DEFB110: variants seen among roughly 807,000 people sequenced by gnomAD.
DEFB110 encodes the protein beta-defensin 110.
In DEFB110, 4 loss-of-function variants were observed where a neutral mutation model predicts 2.5. The ratio of observed to expected loss-of-function variants is 1.60; its 90% confidence interval spans 0.79 to 3.66. The LOEUF (loss-of-function observed/expected upper bound fraction) is 3.66. Among genes scored for constraint, DEFB110 ranks in the 30% most tolerant of loss-of-function variants. The probability of loss-of-function intolerance (pLI) is 0.01; values close to 1 mark genes in which losing one functional copy is unlikely to be tolerated. For missense variants in DEFB110, 94 were observed against 75.4 expected (o/e 1.25, Z -0.91); for synonymous variants, 29 against 21.8 (o/e 1.33, Z -0.92).
intron 1 of DEFB110, among the ~76,000 whole-genome samples, chr6:50,019,574 A>G (rs1357281901): frequency 6.6e-6 from 1 of 152,036 alleles, no homozygotes; most frequent in Non-Finnish European, 1.5e-5. Flanking sequence ...GAGCTAGGCA[A>G]CGCTAGTGAA....
At chr6:50,013,019 A>G (rs1246748336) in intron 1 of DEFB110, among the ~76,000 whole-genome samples, 1 of 151,878 alleles carries the variant, frequency 6.6e-6, no homozygotes, top group Non-Finnish European at 1.5e-5. Flanking sequence ...AACTGCTACT[A>G]CCACTGCCAC....
chr6:50,017,836 A>G (rs1354941843), downstream of DEFB110, among the ~76,000 whole-genome samples: 1 of 151,890 alleles, frequency 6.6e-6, no homozygotes, highest in African/African-American at 2.4e-5. Context: ...TCAAGAGAGT[A>G]GGAAGCCCCT....
downstream of DEFB110, among the ~76,000 whole-genome samples, chr6:50,015,888 T>A (rs1561991354): frequency 6.6e-6 from 1 of 151,840 alleles, no homozygotes; most frequent in Admixed American, 6.6e-5. Context: ...AAATTGACAT[T>A]GATCTTTTTG....
At chr6:50,013,967 G>T (rs939427688), downstream of DEFB110, among the ~76,000 whole-genome samples, 6 of 151,804 alleles carry the variant, frequency 4.0e-5, no homozygotes, top group African/African-American at 1.4e-4. Context: ...TCGGTAAGTA[G>T]TAATAAATAC....
chr6:50,010,901 T>C (rs993534683), intron 1 of DEFB110, among the ~76,000 whole-genome samples: 2 of 151,656 alleles, frequency 1.3e-5, no homozygotes, highest in Admixed American at 6.6e-5. Context: ...GAAAAAAGTA[T>C]ACACATAGAA....
intron 1 of DEFB110, among the ~76,000 whole-genome samples, chr6:50,019,814 A>C (rs1238164788): frequency 6.6e-6 from 1 of 152,056 alleles, no homozygotes; most frequent in East Asian, 1.9e-4. Context: ...TGTGTGTACT[A>C]TTAAACCTTT....
downstream of DEFB110, chr6:50,018,714 T>C (rs935074717): frequency 3.6e-6 from 3 of 836,962 alleles, no homozygotes; most frequent in Non-Finnish European, 4.6e-6. Context: ...TTGTGGAACT[T>C]GTGGAACATG....
downstream of DEFB110, among the ~76,000 whole-genome samples, chr6:50,018,618 G>A (rs538177798): frequency 2.6e-5 from 4 of 152,054 alleles, no homozygotes; most frequent in South Asian, 8.3e-4. Flanking sequence ...CTGGAAGCTT[G>A]TATTTTAGAA....
chr6:50,021,384 C>A (rs1422109435), intron 1 of DEFB110, among the ~76,000 whole-genome samples: 1 of 152,120 alleles, frequency 6.6e-6, no homozygotes, highest in Non-Finnish European at 1.5e-5. Flanking sequence ...TCTCTGAGAA[C>A]CACTGGTCTA....
chr6:50,017,064 T>C (rs1030168610), downstream of DEFB110, among the ~76,000 whole-genome samples: 3 of 151,792 alleles, frequency 2.0e-5, no homozygotes, highest in Non-Finnish European at 2.9e-5. Context: ...TTTAGATGTC[T>C]TGATGGAGAG....
intron 1 of DEFB110, among the ~76,000 whole-genome samples, chr6:50,009,846 G>A (rs1177932265): frequency 2.6e-5 from 4 of 152,030 alleles, no homozygotes; most frequent in Admixed American, 6.6e-5. Context: ...GCAAAAAGTG[G>A]AGCCTCACAT....
chr6:50,009,995 T>A (rs557468416), intron 1 of DEFB110, among the ~76,000 whole-genome samples: 2 of 152,086 alleles, frequency 1.3e-5, no homozygotes, highest in African/African-American at 4.8e-5. Flanking sequence ...TTTAAAGTTT[T>A]ATTGTTCCTA....
At chr6:50,019,809 G>A (rs1774388419) in intron 1 of DEFB110, among the ~76,000 whole-genome samples, 1 of 151,774 alleles carries the variant, frequency 6.6e-6, no homozygotes, top group African/African-American at 2.4e-5. Flanking sequence ...ATTACTGTGT[G>A]TACTATTAAA....
intron 1 of DEFB110, among the ~76,000 whole-genome samples, chr6:50,012,018 T>C (rs758012542): frequency 6.6e-6 from 1 of 152,078 alleles, no homozygotes; most frequent in Non-Finnish European, 1.5e-5. Flanking sequence ...TGAGGTTTTA[T>C]TGAAATTTCA....
At chr6:50,019,196 T>C in intron 1 of DEFB110, 71 bp from the exon 2 acceptor site, 2 of 1,499,158 alleles carry the variant, frequency 1.3e-6, no homozygotes, top group Non-Finnish European at 1.8e-6. Flanking sequence ...AAGGAGAAAG[T>C]CCATGAAGCA....
intron 1 of DEFB110, among the ~76,000 whole-genome samples, chr6:50,010,644 A>C (rs1375071678): frequency 6.6e-6 from 1 of 151,298 alleles, no homozygotes; most frequent in Non-Finnish European, 1.5e-5. Context: ...TTTTTAGTGA[A>C]TGGTAAACTA....
In DEFB110 at chr6:50,018,862, T is replaced by G. The variant is rs1303307800; in HGVS notation, c.*115A>C. 1.4e-6 allele frequency: 2 copies of G among 1,437,106 alleles called. No homozygotes were observed. The highest frequency in any genetic ancestry group is 5.9e-5 in the Admixed American group (2 of 34,148). The allele number at this position is 1,437,106 out of a possible 1,614,324, so 89.0% of individuals were successfully genotyped here. A position where few individuals can be genotyped will look rare whatever the true frequency, so the allele number is the denominator to read the frequency against. ...CACTTCTGAATGGTTCAACATTAAT[T>G]TTTATTTAGTTCTTGTGTATTATAG... On this transcript the variant is annotated 3_prime_UTR_variant, in exon 2 of 2. Coordinates refer to ENST00000371148, the MANE Select transcript of DEFB110 (RefSeq NM_001037497.2).
At chr6:50,021,735 G>A (rs1774421145) in intron 1 of DEFB110, 146 bp downstream of exon 1, 2 of 768,056 alleles carry the variant, frequency 2.6e-6, no homozygotes, top group Admixed American at 3.9e-5. Context: ...TTTATTATCT[G>A]TTCTGGAGTC....
intron 1 of DEFB110, 80 bp downstream of exon 1, chr6:50,021,801 T>C: frequency 1.2e-5 from 16 of 1,317,328 alleles, no homozygotes; most frequent in Non-Finnish European, 1.6e-5. Flanking sequence ...CCCTATGTTA[T>C]TATCATATTT....
Sources: gnomAD v4.1 joint callset for allele counts (sites outside exome capture counted in the v4.1 genomes callset) on GRCh38, gnomAD v4.1.1 for gene constraint, MANE v1.5 for transcripts, NCBI Gene and HGNC (gene_info 2026-07-23, HGNC 2026-07-21) for gene names.